CDIN1: variants seen among roughly 807,000 people sequenced by gnomAD.
CDIN1 encodes the protein CDAN1 interacting nuclease 1.
In CDIN1, 33 loss-of-function variants were observed where a neutral mutation model predicts 45.3. The observed-to-expected ratio is 0.73, with a 90% CI of 0.55 to 0.97. The LOEUF is 0.97. Among genes scored for constraint, CDIN1 ranks in the 50% least tolerant of loss-of-function variants. CDIN1 has a pLI of 0.00. For missense variants in CDIN1, 303 were observed against 339.4 expected, an observed-to-expected ratio of 0.89 and a Z score of 0.84; for synonymous variants, 118 against 124.4, an observed-to-expected ratio of 0.95 and a Z score of 0.34.
At position 36,579,655 on chromosome 15, in the gene CDIN1, G is replaced by A. The variant is rs976355081; in HGVS notation, c.-206G>A. Reference sequence around the variant, plus strand: ...TGGTGTACAGCCAGTCCCCGCCGCGGAGGTGCCGGTGGAGCCTGGGACCGG... The same window carrying A: ...TGGTGTACAGCCAGTCCCCGCCGCGAAGGTGCCGGTGGAGCCTGGGACCGG... On this transcript the variant is annotated 5_prime_UTR_variant, in exon 1 of 11. Coordinates refer to ENST00000566621, the MANE Select transcript of CDIN1 (RefSeq NM_001321759.2). 1.9e-6 allele frequency: 1 copy of A among 533,086 alleles called. No individual in the cohort carries two copies. Among genetic ancestry groups the A allele is most frequent in the Admixed American group, 3.5e-5 (1 of 28,648 alleles). 33.0% of individuals were successfully genotyped at this position (533,086 alleles called of 1,614,324 possible).
chr15:36,708,017 T>C (rs1163954978), intron 8 of CDIN1: 1 of 152,178 alleles, frequency 6.6e-6, no homozygotes, highest in Non-Finnish European at 1.5e-5. Flanking sequence ...TTAACAAAAT[T>C]TAACTTAAAT....
chr15:36,661,309 A>G (rs543540511), intron 5 of CDIN1, among the ~76,000 whole-genome samples: 2 of 152,286 alleles, frequency 1.3e-5, no homozygotes, highest in African/African-American at 4.8e-5. Flanking sequence ...TCATGCCATC[A>G]ATCCAAGTGA....
chr15:36,713,797 C>G (rs2043134648), intron 10 of CDIN1, among the ~76,000 whole-genome samples: 1 of 152,204 alleles, frequency 6.6e-6, no homozygotes, highest in Non-Finnish European at 1.5e-5. Flanking sequence ...TGGCTGACAT[C>G]TCTTTGAGAA....
intron 5 of CDIN1, among the ~76,000 whole-genome samples, chr15:36,682,760 A>T (rs2140633338): frequency 8.0e-6 from 1 of 125,524 alleles, no homozygotes; most frequent in South Asian, 2.6e-4. Context: ...ACAGAGCAAG[A>T]CCCTGCCAAA....
Position 36,698,240 on chromosome 15 carries a change from A to G in CDIN1, c.544+850A>G, listed in dbSNP as rs534345006. ...ATGTCAAATAAGGAAGAGATGTTTA[A>G]TAAAGTCCTACAAAGAATCTATTCC... On this transcript the variant is annotated intron_variant, in intron 8 of 10. Transcript: ENST00000566621. 3.9e-5 allele frequency among the ~76,000 whole-genome samples: 6 copies of G among 152,358 alleles called. No individual in the cohort carries two copies. In the East Asian group the frequency reaches 1.2e-3, roughly 29 times the overall value.
intron 2 of CDIN1, 138 bp downstream of exon 2, chr15:36,644,461 C>A (rs1176829413): frequency 1.2e-6 from 1 of 842,358 alleles, no homozygotes; most frequent in Non-Finnish European, 1.8e-6. Context: ...GCACCGCCTG[C>A]GTCTCGGTGG....
At chr15:36,660,405 G>A (rs1247596148) in intron 5 of CDIN1, among the ~76,000 whole-genome samples, 6 of 152,018 alleles carry the variant, frequency 3.9e-5, no homozygotes. Flanking sequence ...TTTTGGGGGT[G>A]GATTGTACTG....
intron 1 of CDIN1, among the ~76,000 whole-genome samples, chr15:36,638,871 C>T (rs955857386): frequency 1.6e-4 from 24 of 152,176 alleles, no homozygotes; most frequent in African/African-American, 5.8e-4. Context: ...TATTAGCATA[C>T]ATGATTTGCA....
intron 10 of CDIN1, among the ~76,000 whole-genome samples, chr15:36,777,812 T>C (rs530733430): frequency 2.0e-5 from 3 of 152,174 alleles, no homozygotes; most frequent in Non-Finnish European, 4.4e-5. Flanking sequence ...GGTTCTGCCA[T>C]GTTGCACAGG....
chr15:36,639,818 C>T (rs901229632), intron 1 of CDIN1, among the ~76,000 whole-genome samples: 5 of 152,040 alleles, frequency 3.3e-5, no homozygotes, highest in Non-Finnish European at 1.5e-5. Flanking sequence ...TACTGACGTT[C>T]AATTATATAT....
intron 10 of CDIN1, among the ~76,000 whole-genome samples, chr15:36,755,579 T>A (rs545040947): frequency 9.9e-5 from 15 of 151,360 alleles, no homozygotes; most frequent in Admixed American, 6.6e-4. Context: ...TAATTACGAG[T>A]TTTTCAAGCC....
chr15:36,774,606 C>G (rs1287807106), intron 10 of CDIN1, among the ~76,000 whole-genome samples: 1 of 152,000 alleles, frequency 6.6e-6, no homozygotes. Context: ...TAGTTTTCCT[C>G]TTTTTCTTCT....
chr15:36,797,010 T>A (rs1430612093), intron 10 of CDIN1, among the ~76,000 whole-genome samples: 1 of 152,228 alleles, frequency 6.6e-6, no homozygotes, highest in Non-Finnish European at 1.5e-5. Context: ...ACTGTAAGAT[T>A]CTCATTTTCT....
At chr15:36,618,045 A>T (rs1360348902) in intron 1 of CDIN1, 8 of 776,234 alleles carry the variant, frequency 1.0e-5, no homozygotes, top group Admixed American at 1.7e-5. Context: ...TTCTCGGTCT[A>T]TAGTATTATT....
chr15:36,620,358 AT>A (rs1450825485), intron 1 of CDIN1, among the ~76,000 whole-genome samples: 2 of 152,188 alleles, frequency 1.3e-5, no homozygotes, highest in Non-Finnish European at 2.9e-5. Context: ...CTCAAAAAAA[AT>A]AAAAATAAAA....
chr15:36,659,117 T>C (rs1315408809), intron 5 of CDIN1, among the ~76,000 whole-genome samples: 1 of 152,206 alleles, frequency 6.6e-6, no homozygotes, highest in Non-Finnish European at 1.5e-5. Flanking sequence ...TATCCAGGTC[T>C]TGTCAAAATA....
chr15:36,773,599 G>GT (rs2141030664), intron 10 of CDIN1, among the ~76,000 whole-genome samples: 1 of 152,298 alleles, frequency 6.6e-6, no homozygotes, highest in East Asian at 1.9e-4. Context: ...CAGCCTTAAA[G>GT]TATGGGATGA....
At chr15:36,740,889 C>CA (rs201052730) in intron 10 of CDIN1, among the ~76,000 whole-genome samples, 3,237 of 126,066 alleles carry the variant, frequency 0.026, 46 homozygotes, top group Middle Eastern at 0.057. Flanking sequence ...GACTCCATCT[C>CA]AAAAAAAAAA....
In CDIN1 at chr15:36,759,760, A is replaced by G. The variant is rs2053707953; in HGVS notation, c.717-48564A>G. ...CTGGGGAGGCTTCCAGAAACTTACAATCATGGTGGAAGGGCAAAGCAGAAG... is the reference window on the plus strand; with the variant it reads ...CTGGGGAGGCTTCCAGAAACTTACAGTCATGGTGGAAGGGCAAAGCAGAAG... On this transcript the variant is annotated intron_variant, in intron 10 of 10. Coordinates refer to ENST00000566621, the MANE Select transcript of CDIN1 (RefSeq NM_001321759.2). Among the ~76,000 whole-genome samples, 5 of 152,300 alleles carry G rather than the reference A, an allele frequency of 3.3e-5. No homozygotes were observed. The South Asian group carries it at 1.0e-3, about 32-fold the overall frequency.
Sources: allele counts gnomAD v4.1 joint callset (sites outside exome capture counted in the v4.1 genomes callset), GRCh38; gene constraint gnomAD v4.1.1; transcripts MANE v1.5; gene names NCBI Gene and HGNC (gene_info 2026-07-23, HGNC 2026-07-21).